Variants in AQP10 observed in about 807,000 individuals in gnomAD.
The protein encoded by AQP10 is aquaporin 10, also known as aquaporin-10.
AQP10 carries 15 observed loss-of-function variants against 21.0 expected under a neutral mutation model. The observed-to-expected ratio is 0.71, with a 90% CI of 0.48 to 1.10. AQP10 has a LOEUF of 1.10. Among genes scored for constraint, AQP10 ranks in the 50% least tolerant of loss-of-function variants. The probability of loss-of-function intolerance (pLI) is 0.00; values close to 1 mark genes in which losing one functional copy is unlikely to be tolerated. For missense variants in AQP10, 268 were observed against 379.5 expected (o/e 0.71, Z 2.44); for synonymous variants, 143 against 155.7 (o/e 0.92, Z 0.61).
Position 154,323,845 on chromosome 1 carries a change from C to A in AQP10, c.707+39C>A. The A allele has an allele frequency of 6.2e-7, 1 of 1,605,002 alleles. No homozygotes were observed. The highest frequency in any genetic ancestry group is 8.5e-7 in the Non-Finnish European group (1 of 1,175,616). On this transcript the variant is annotated intron_variant, in intron 5 of 5. Coordinates refer to ENST00000324978, the MANE Select transcript of AQP10 (RefSeq NM_080429.3). This position sits in a 1 kb window ranked among gnomAD's most constrained non-coding sequence, Gnocchi z 4.5. ...TCTCCTGGTGCTGGCCTCCACTCAC[C>A]TTCCTCTGCTAAGGGCTCTGTCCCT...
In AQP10 at chr1:154,323,478, C is replaced by A; in HGVS notation, c.490-111C>A. Reference sequence around the variant, plus strand: ...GTCTATCTTGGCACTCCCCACCATCCCCAACTGCCTGTGTTGCACAAAGCC... The same window carrying A: ...GTCTATCTTGGCACTCCCCACCATCACCAACTGCCTGTGTTGCACAAAGCC... On this transcript the variant is annotated intron_variant, in intron 4 of 5. Coordinates refer to ENST00000324978, the MANE Select transcript of AQP10 (RefSeq NM_080429.3). This position sits in a 1 kb window ranked among gnomAD's most constrained non-coding sequence, Gnocchi z 4.5. 1 of 1,489,662 alleles carries A rather than the reference C, an allele frequency of 6.7e-7. No individual in the cohort carries two copies. Among genetic ancestry groups the A allele is most frequent in the Non-Finnish European group, 9.2e-7 (1 of 1,085,104 alleles). 92.3% of individuals were successfully genotyped at this position (1,489,662 alleles called of 1,614,324 possible). A position where few individuals can be genotyped will look rare whatever the true frequency, so the allele number is the denominator to read the frequency against.
intron 2 of AQP10, 146 bp from the exon 3 acceptor site, chr1:154,322,836 A>G: frequency 9.5e-7 from 1 of 1,055,606 alleles, no homozygotes; most frequent in Non-Finnish European, 1.4e-6. Flanking sequence ...CATCTGTAAC[A>G]TCTGGAGCCT....
In AQP10 at chr1:154,323,004, C is replaced by T; in HGVS notation, c.255C>T (p.Phe85=). The change falls in exon 3 of 6, where the codon TTC becomes TTT. Residue 85 remains phenylalanine (F), a synonymous_variant. Transcript: ENST00000324978. The surrounding 1 kb of genome is among the most constrained non-coding windows in gnomAD (Gnocchi z 4.5). ...AAGGGGCCCACCTGAATCCAGCCTT[C>T]TCCCTGGCCATGTGCATCGTTGGAC... ...NVSGAHLNPA[F]SLAMCIVGRL... The T allele has an allele frequency of 6.2e-7, 1 of 1,614,240 alleles. No homozygotes were observed. Among genetic ancestry groups the T allele is most frequent in the Non-Finnish European group, 8.5e-7 (1 of 1,180,048 alleles).
intron 5 of AQP10, 131 bp from the exon 6 acceptor site, chr1:154,324,151 C>G: frequency 2.7e-6 from 3 of 1,107,152 alleles, no homozygotes; most frequent in Non-Finnish European, 3.7e-6. Flanking sequence ...GGTGACAAGG[C>G]AATCCTCTTC....
intron 2 of AQP10, among the ~76,000 whole-genome samples, chr1:154,322,489 C>CTTCTTTTTTTTTTTTTTTTTTTTTT (rs376265152): frequency 8.5e-6 from 1 of 117,858 alleles, no homozygotes. Flanking sequence ...GTGTCTTCTT[C>CTTCTTTTTTTTTTTTTTTTTTTTTT]TTTTTTTTTT....
rs542543589 is a variant in AQP10 at position 154,323,304 on chromosome 1, T to C, written c.434T>C (p.Ile145Thr). ...TVTGPKETAS[I>T]FATYPAPYLS... Reference sequence around the variant, plus strand: ...ACTGGCCCCAAGGAGACAGCCTCCATTTTTGCCACCTATCCTGCCCCCTAT... The same window carrying C: ...ACTGGCCCCAAGGAGACAGCCTCCACTTTTGCCACCTATCCTGCCCCCTAT... Residue 145 changes from isoleucine to threonine, a missense_variant, in exon 4 of 6, where the codon ATT (isoleucine) becomes ACT (threonine). Ile to Thr is a moderately conservative substitution (Grantham distance 89). Transcript: ENST00000324978. This position sits in a 1 kb window ranked among gnomAD's most constrained non-coding sequence, Gnocchi z 4.5. 7.4e-6 allele frequency: 12 copies of C among 1,614,136 alleles called. No homozygotes were observed. The African/African-American group carries it at 1.5e-4, about 20-fold the overall frequency.
At chr1:154,322,664 A>G (rs1350644177) in intron 2 of AQP10, among the ~76,000 whole-genome samples, 1 of 151,670 alleles carries the variant, frequency 6.6e-6, no homozygotes, top group African/African-American at 2.4e-5. Flanking sequence ...ACGCCTGGCT[A>G]ATATTTGTGT....
At position 154,324,630 on chromosome 1, in the gene AQP10, A is replaced by G; in HGVS notation, c.*150A>G. 1 of 774,788 alleles carries G rather than the reference A, an allele frequency of 1.3e-6. No homozygotes were observed. Among genetic ancestry groups the G allele is most frequent in the South Asian group, 2.0e-5 (1 of 51,258 alleles). 48.0% of individuals were successfully genotyped at this position (774,788 alleles called of 1,614,324 possible). On this transcript the variant is annotated 3_prime_UTR_variant, in exon 6 of 6. Transcript: ENST00000324978. ...GGCATCCCTTCCTCCTAAACTAAGA[A>G]GGATCCTGGACAGGGAGAAGTGGAG...
rs1190423530 is a variant in AQP10 at position 154,323,984 on chromosome 1, A to C, written c.707+178A>C. ...TTGCTTCCCTCCCAACTTTTCACTG[A>C]AACAGTAAGATTTAGAGGTTGTGTT... On this transcript the variant is annotated intron_variant, in intron 5 of 5. Transcript: ENST00000324978. This position sits in a 1 kb window ranked among gnomAD's most constrained non-coding sequence, Gnocchi z 4.5. 8 of 1,451,878 alleles carry C rather than the reference A, an allele frequency of 5.5e-6. No individual in the cohort carries two copies. The highest frequency in any genetic ancestry group is 2.7e-5 in the Admixed American group (1 of 36,430). 89.9% of individuals were successfully genotyped at this position (1,451,878 alleles called of 1,614,324 possible).
At chr1:154,322,894 C>T (rs1280417358) in intron 2 of AQP10, 88 bp from the exon 3 acceptor site, 2 of 1,509,034 alleles carry the variant, frequency 1.3e-6, no homozygotes, top group African/African-American at 2.7e-5. Flanking sequence ...GCCTTAAGAG[C>T]TATAGGAAGG....
chr1:154,324,597 ATC>A lies in AQP10; in HGVS notation c.*119_*120del, dbSNP rs1050086550. Reference sequence around the variant, plus strand: ...CAGAACCTGGGAGGCTTCTCTGTTTATCTGTTTGGCATCCCTTCCTCCTAAAC... The same window carrying A: ...CAGAACCTGGGAGGCTTCTCTGTTTATGTTTGGCATCCCTTCCTCCTAAAC... On this transcript the variant is annotated 3_prime_UTR_variant, in exon 6 of 6. Transcript: ENST00000324978. The A allele has an allele frequency of 6.5e-5, 71 of 1,084,788 alleles. No homozygotes were observed. Among genetic ancestry groups the A allele is most frequent in the Non-Finnish European group, 8.2e-5 (63 of 765,216 alleles). 67.2% of individuals were successfully genotyped at this position (1,084,788 alleles called of 1,614,324 possible).
chr1:154,323,675 G>C lies in AQP10; in HGVS notation c.576G>C (p.Val192=). The C allele has an allele frequency of 6.2e-7, 1 of 1,614,240 alleles. No individual in the cohort carries two copies. Among genetic ancestry groups the C allele is most frequent in the Non-Finnish European group, 8.5e-7 (1 of 1,180,044 alleles). Residue 192 remains valine, a synonymous_variant, in exon 5 of 6, where the codon GTG becomes GTC. Coordinates refer to ENST00000324978, the MANE Select transcript of AQP10 (RefSeq NM_080429.3). This position sits in a 1 kb window ranked among gnomAD's most constrained non-coding sequence, Gnocchi z 4.5. The part of the protein sequence containing the change: ...NKGVPAGLEP[V]VVGMLILALG... The stretch of plus-strand genomic sequence containing the variant: ...GAGTCCCTGCGGGTCTGGAGCCTGT[G>C]GTGGTGGGGATGCTGATCCTGGCCC...
rs1685638236 is a variant in AQP10 at position 154,321,373 on chromosome 1, A to G, written c.105+113A>G. On this transcript the variant is annotated intron_variant, in intron 1 of 5. Coordinates refer to ENST00000324978, the MANE Select transcript of AQP10 (RefSeq NM_080429.3). ...TCCCCCTTCCTCTCAACTCCCTATC[A>G]CTTTTCGTTTTTATCCTCTCGTCTC... 1.5e-5 allele frequency: 11 copies of G among 741,510 alleles called. No homozygotes were observed. In the East Asian group the frequency reaches 3.3e-4, roughly 22 times the overall value. The allele number at this position is 741,510 out of a possible 1,614,324, so 45.9% of individuals were successfully genotyped here. A position where few individuals can be genotyped will look rare whatever the true frequency, so the allele number is the denominator to read the frequency against.
Position 154,323,659 on chromosome 1 carries a change from C to T in AQP10, c.560C>T (p.Ala187Val), listed in dbSNP as rs768207751. Residue 187 changes from alanine (A) to valine (V), a missense_variant, in exon 5 of 6, where the codon GCG becomes GTG. Coordinates refer to ENST00000324978, the MANE Select transcript of AQP10 (RefSeq NM_080429.3). The surrounding 1 kb of genome is among the most constrained non-coding windows in gnomAD (Gnocchi z 4.5). ...GACAGACGGAACAAGGGAGTCCCTG[C>T]GGGTCTGGAGCCTGTGGTGGTGGGG... Reference protein sequence around the residue: ...ILDRRNKGVPAGLEPVVVGML... With the variant: ...ILDRRNKGVPVGLEPVVVGML... 26 of 1,614,068 alleles carry T rather than the reference C, an allele frequency of 1.6e-5. No homozygotes were observed. The highest frequency in any genetic ancestry group is 6.7e-5 in the Admixed American group (4 of 60,008).
At chr1:154,322,493 T>C (rs1189576094) in intron 2 of AQP10, among the ~76,000 whole-genome samples, 1 of 149,406 alleles carries the variant, frequency 6.7e-6, no homozygotes, top group African/African-American at 2.5e-5. Flanking sequence ...CTTCTTCTTT[T>C]TTTTTTTTTT....
Position 154,324,898 on chromosome 1 carries a change from C to T in AQP10, c.*418C>T, listed in dbSNP as rs1685729479. On this transcript the variant is annotated 3_prime_UTR_variant, in exon 6 of 6. Transcript: ENST00000324978. ...ACTGCCGACTCCTAGCTCTCATCGC[C>T]TCGGCGCCTCCCACCTTCACCCTCT... The T allele has an allele frequency of 6.5e-6, 1 of 153,316 alleles. No individual in the cohort carries two copies. Among genetic ancestry groups the T allele is most frequent in the Non-Finnish European group, 1.5e-5 (1 of 68,828 alleles). The allele number at this position is 153,316 out of a possible 1,614,324, so 9.5% of individuals were successfully genotyped here.
rs774969157 is a variant in AQP10, at chr1:154,323,373, G to C, written c.489+14G>C. On this transcript the variant is annotated intron_variant, in intron 4 of 5. Coordinates refer to ENST00000324978, the MANE Select transcript of AQP10 (RefSeq NM_080429.3). This position sits in a 1 kb window ranked among gnomAD's most constrained non-coding sequence, Gnocchi z 4.5. ...TTCCTGGATCAGGTAAGTGTGAGGG[G>C]GAGACCTGGGGACACTACTTTGGTC... 2 of 1,606,556 alleles carry C rather than the reference G, an allele frequency of 1.2e-6. No individual in the cohort carries two copies. The highest frequency in any genetic ancestry group is 3.3e-5 in the Admixed American group (2 of 60,020).
In AQP10 at chr1:154,324,524, C is replaced by T; in HGVS notation, c.*44C>T. 1 of 1,572,868 alleles carries T rather than the reference C, an allele frequency of 6.4e-7. No individual in the cohort carries two copies. Among genetic ancestry groups the T allele is most frequent in the Non-Finnish European group, 8.7e-7 (1 of 1,153,622 alleles). ...CACTCATGGACCCTGGAGCCAGCCA[C>T]TGACCCCGCCTGGGAACAACAGTCA... On this transcript the variant is annotated 3_prime_UTR_variant, in exon 6 of 6. Transcript: ENST00000324978.
At chr1:154,324,221 T>C (rs1685711796) in intron 5 of AQP10, 61 bp from the exon 6 acceptor site, 1 of 1,451,696 alleles carries the variant, frequency 6.9e-7, no homozygotes, top group South Asian at 1.4e-5. Flanking sequence ...CCCCCCGTCC[T>C]TGGAGAGGGG....
Sources: gnomAD v4.1 joint callset for allele counts (sites outside exome capture counted in the v4.1 genomes callset) on GRCh38, gnomAD v4.1.1 for gene constraint, Gnocchi (gnomAD v3.1) non-coding constraint, MANE v1.5 for transcripts, NCBI Gene and HGNC (gene_info 2026-07-23, HGNC 2026-07-21) for gene names.